MCF2: variants seen among roughly 807,000 people sequenced by gnomAD.
MCF2 encodes the protein MCF.2 cell line derived transforming sequence.
A neutral mutation model predicts 82.5 loss-of-function variants in MCF2; 44 were observed. The observed-to-expected ratio is 0.53, with a 90% confidence interval of 0.42 to 0.69. MCF2 has a LOEUF of 0.69. Among genes scored for constraint, MCF2 ranks in the 30% least tolerant of loss-of-function variants. MCF2 has a pLI of 0.00. For synonymous variants in MCF2, 217 were observed against 224.9 expected, an observed-to-expected ratio of 0.96 and a Z score of 0.32; for missense variants, 623 against 663.1, an observed-to-expected ratio of 0.94 and a Z score of 0.66.
chrX:139,585,180 T>C lies in MCF2; in HGVS notation c.2633-2A>G, dbSNP rs1382283866. On this transcript the variant is annotated splice_acceptor_variant, in intron 23 of 24. Coordinates refer to ENST00000370576, the Ensembl canonical transcript of MCF2. LOFTEE classifies it high-confidence loss of function. ...CAGATTGTGATGCCTCAGTCCAAAC[T>C]ATAAGAAAAGTGTGGAATGTGGCAG... 8.7e-7 allele frequency: 1 copy of C among 1,142,915 alleles called. No individual in the cohort carries two copies. The highest frequency in any genetic ancestry group is 3.0e-5 in the East Asian group (1 of 33,279). The allele number at this position is 1,142,915 out of a possible 1,213,427, so 94.2% of individuals were successfully genotyped here. A position where few individuals can be genotyped will look rare whatever the true frequency, so the allele number is the denominator to read the frequency against.
intron 1 of MCF2, among the ~76,000 whole-genome samples, chrX:139,638,309 G>T (rs1452269893): frequency 9.0e-6 from 1 of 111,695 alleles, no homozygotes; most frequent in African/African-American, 3.3e-5. Flanking sequence ...CAAGAATCAG[G>T]TTGGTTGAGA....
At chrX:139,659,018 G>T (rs189968308) in intron 1 of MCF2, among the ~76,000 whole-genome samples, 19 of 111,440 alleles carry the variant, frequency 1.7e-4, no homozygotes, top group African/African-American at 5.5e-4. Flanking sequence ...GGCTGGGTGC[G>T]GTGGCTCACG....
At chrX:139,593,474 C>A (rs1248345709) in intron 19 of MCF2, among the ~76,000 whole-genome samples, 1 of 110,947 alleles carries the variant, frequency 9.0e-6, no homozygotes, top group Non-Finnish European at 1.9e-5. Context: ...GGAACTGGTA[C>A]CATTCCTTCT....
At chrX:139,673,185 G>A (rs1273743726) in intron 1 of MCF2, among the ~76,000 whole-genome samples, 5 of 111,111 alleles carry the variant, frequency 4.5e-5, no homozygotes, top group Non-Finnish European at 7.6e-5. Flanking sequence ...TTTTTATTGC[G>A]TCTATTTGAT....
chrX:139,682,954 G>C (rs978541237), intron 1 of MCF2, among the ~76,000 whole-genome samples: 5 of 110,782 alleles, frequency 4.5e-5, no homozygotes, highest in African/African-American at 1.6e-4. Flanking sequence ...TTTTGAGTTA[G>C]GGTCTCACTC....
chrX:139,629,555 A>AT (rs1335949416), intron 4 of MCF2, 140 bp downstream of exon 7: 8 of 492,395 alleles, frequency 1.6e-5, no homozygotes, highest in South Asian at 5.2e-5. Context: ...ATAAAGTATA[A>AT]TTTTTTTTAG....
At position 139,594,131 on chromosome X, in the gene MCF2, G is replaced by A. The variant is rs370414579; in HGVS notation, c.2277+2418C>T. Among the ~76,000 whole-genome samples the A allele has an allele frequency of 2.4e-3, 261 of 109,988 alleles. 1 individual carries two copies. Among genetic ancestry groups the A allele is most frequent in the Non-Finnish European group, 3.7e-3 (195 of 52,585 alleles). ...CTCATGGGTAGGAAGAATCAATATC[G>A]TGAAAATGGCCATACTGCCCAAGGT... is the stretch of plus-strand genomic sequence containing the variant. On this transcript the variant is annotated intron_variant, in intron 19 of 24. Transcript: ENST00000370576.
chrX:139,619,138 T>C (rs1425992835), intron 7 of MCF2, among the ~76,000 whole-genome samples: 4 of 111,218 alleles, frequency 3.6e-5, no homozygotes, highest in African/African-American at 9.8e-5. Flanking sequence ...TCATTCTTCA[T>C]ACACATTTTT....
chrX:139,665,976 TATACACACACAC>T (rs1405583124), intron 1 of MCF2, among the ~76,000 whole-genome samples: 5 of 99,923 alleles, frequency 5.0e-5, no homozygotes, highest in Admixed American at 1.1e-4. Flanking sequence ...TATACATATA[TATACACACACAC>T]ATACACACAC....
At chrX:139,689,507 C>T (rs776475024) in intron 1 of MCF2, among the ~76,000 whole-genome samples, 152 of 110,466 alleles carry the variant, frequency 1.4e-3, no homozygotes, top group Non-Finnish European at 2.4e-3. Flanking sequence ...AGTAAAACCA[C>T]TCAACATGCC....
intron 1 of MCF2, among the ~76,000 whole-genome samples, chrX:139,660,141 G>C (rs1189208489): frequency 9.0e-6 from 1 of 111,618 alleles, no homozygotes; most frequent in Admixed American, 9.5e-5. Flanking sequence ...GAATCTAGTA[G>C]GAGATTCAGC....
chrX:139,641,967 T>G (rs1232439082), intron 1 of MCF2, among the ~76,000 whole-genome samples: 1 of 111,426 alleles, frequency 9.0e-6, no homozygotes, highest in Non-Finnish European at 1.9e-5. Flanking sequence ...GGAGAAGAAT[T>G]GAAACCATAA....
chrX:139,690,697 G>C (rs1935241403), intron 1 of MCF2, among the ~76,000 whole-genome samples: 1 of 111,412 alleles, frequency 9.0e-6, no homozygotes, highest in African/African-American at 3.3e-5. Context: ...TGAATAGGGA[G>C]GTATATTTGG....
chrX:139,631,357 G>T, intron 3 of MCF2, 38 bp downstream of exon 6: 1 of 755,900 alleles, frequency 1.3e-6, no homozygotes, highest in Non-Finnish European at 2.0e-6. Context: ...CTAACATGAA[G>T]AACTATAGGC....
upstream of MCF2, among the ~76,000 whole-genome samples, chrX:139,643,597 G>A (rs975407214): frequency 1.3e-4 from 14 of 110,783 alleles, no homozygotes; most frequent in African/African-American, 3.6e-4. Context: ...TGCCCAGCAC[G>A]ATCAATTTGG....
At chrX:139,602,561 A>G in intron 15 of MCF2, 63 bp from the exon 20 acceptor site, 1 of 762,631 alleles carries the variant, frequency 1.3e-6, no homozygotes, top group Non-Finnish European at 2.0e-6. Flanking sequence ...GCCATCAAGA[A>G]AGGCTAAACA....
intron 19 of MCF2, among the ~76,000 whole-genome samples, chrX:139,596,298 C>T (rs1322925738): frequency 3.6e-5 from 4 of 111,084 alleles, no homozygotes; most frequent in Admixed American, 9.6e-5. Flanking sequence ...CGCTAGGGAG[C>T]CCCCTTGGGG....
chrX:139,594,326 T>C (rs772666731), intron 19 of MCF2, among the ~76,000 whole-genome samples: 45 of 111,340 alleles, frequency 4.0e-4, no homozygotes, highest in African/African-American at 1.4e-3. Context: ...CTTCAAACTA[T>C]ACTACAAGGC....
At chrX:139,674,019 C>A (rs1016437668) in intron 1 of MCF2, among the ~76,000 whole-genome samples, 3 of 111,654 alleles carry the variant, frequency 2.7e-5, no homozygotes, top group African/African-American at 6.5e-5. Flanking sequence ...GTGCATATAT[C>A]TTTAGGATAG....
Sources: gnomAD v4.1 joint callset for allele counts (sites outside exome capture counted in the v4.1 genomes callset) on GRCh38, gnomAD v4.1.1 for gene constraint, MANE v1.5 for transcripts, NCBI Gene and HGNC (gene_info 2026-07-23, HGNC 2026-07-21) for gene names.